LPP: variants seen among roughly 807,000 people sequenced by gnomAD.
The protein encoded by LPP is LIM domain containing preferred translocation partner in lipoma.
A neutral mutation model predicts 60.4 loss-of-function variants in LPP; 38 were observed. The observed-to-expected ratio is 0.63, with a 90% CI of 0.49 to 0.83. The LOEUF (loss-of-function observed/expected upper bound fraction) is 0.83, where lower values mean the gene tolerates loss of function less well. LPP is among the 40% of genes least tolerant of loss of function. The probability of loss-of-function intolerance (pLI) is 0.00; values close to 1 mark genes in which losing one functional copy is unlikely to be tolerated. For synonymous variants in LPP, 328 were observed against 290.8 expected (o/e 1.13, Z -1.30); for missense variants, 902 against 783.6 (o/e 1.15, Z -1.80).
intron 4 of LPP, among the ~76,000 whole-genome samples, chr3:188,457,191 A>T (rs575932292): frequency 6.6e-6 from 1 of 152,284 alleles, no homozygotes; most frequent in South Asian, 2.1e-4. Flanking sequence ...CTTCACATTG[A>T]CCCTGCACAG....
chr3:188,510,577 C>T (rs1375771210), intron 5 of LPP, among the ~76,000 whole-genome samples: 5 of 152,186 alleles, frequency 3.3e-5, no homozygotes, highest in African/African-American at 1.2e-4. Flanking sequence ...CCACTCTCTC[C>T]TTCGTCATGG....
chr3:188,790,343 TGTGTGC>T (rs1251901189), intron 9 of LPP, among the ~76,000 whole-genome samples: 3 of 151,942 alleles, frequency 2.0e-5, no homozygotes, highest in African/African-American at 7.3e-5. Flanking sequence ...GTGTGTGTGG[TGTGTGC>T]GTGTGTGTGT....
chr3:188,352,331 C>T lies in LPP; in HGVS notation c.-10+10612C>T. Among the ~76,000 whole-genome samples, 1 of 152,176 alleles carries T rather than the reference C, an allele frequency of 6.6e-6. No individual in the cohort carries two copies. On this transcript the variant is annotated intron_variant, in intron 3 of 11. Coordinates refer to ENST00000617246, the MANE Select transcript of LPP (RefSeq NM_001375462.1). The surrounding 1 kb of genome is among the most constrained non-coding windows in gnomAD (Gnocchi z 4.4). ...ACACGTATTGGCTGCTTTTTCTCCC[C>T]ACCTTTGGCAGCTTGTGAGCGGTGT...
At chr3:188,223,230 A>T in intron 1 of LPP, among the ~76,000 whole-genome samples, 1 of 152,192 alleles carries the variant, frequency 6.6e-6, no homozygotes, top group East Asian at 1.9e-4. Flanking sequence ...TGTTTCTCTG[A>T]TACTTTTCAA....
At chr3:188,377,745 G>C (rs1466164544) in intron 3 of LPP, among the ~76,000 whole-genome samples, 1 of 152,170 alleles carries the variant, frequency 6.6e-6, no homozygotes, top group Non-Finnish European at 1.5e-5. Context: ...TCCATTGCTG[G>C]TGAGGAGCTG....
intron 7 of LPP, among the ~76,000 whole-genome samples, chr3:188,659,686 C>T (rs949988835): frequency 3.9e-5 from 6 of 152,138 alleles, no homozygotes. Flanking sequence ...CTCCAACTCG[C>T]AGCTTGGCAA....
intron 3 of LPP, among the ~76,000 whole-genome samples, chr3:188,376,357 A>G (rs1163602374): frequency 6.6e-6 from 1 of 152,010 alleles, no homozygotes; most frequent in Non-Finnish European, 1.5e-5. Context: ...TTTGTAGGTC[A>G]CTAAGGACTT....
intron 2 of LPP, among the ~76,000 whole-genome samples, chr3:188,285,862 C>T (rs1441110582): frequency 6.6e-6 from 1 of 152,140 alleles, no homozygotes; most frequent in Non-Finnish European, 1.5e-5. Context: ...GTTTCTTTAC[C>T]CAAAAGTTGG....
chr3:188,655,538 G>T (rs1473969), intron 7 of LPP, among the ~76,000 whole-genome samples: 151,353 of 152,328 alleles, frequency 0.99, 75,195 homozygotes, highest in Middle Eastern at 1. Context: ...TCTCAATGAC[G>T]ATTTTATTTT....
At chr3:188,663,875 C>T (rs371302664) in intron 7 of LPP, among the ~76,000 whole-genome samples, 3 of 152,096 alleles carry the variant, frequency 2.0e-5, no homozygotes, top group Admixed American at 6.6e-5. Context: ...CAATAAGGTT[C>T]GCACCCCTAT....
chr3:188,428,001 C>T (rs765961805), intron 4 of LPP, among the ~76,000 whole-genome samples: 23 of 152,238 alleles, frequency 1.5e-4, no homozygotes, highest in Admixed American at 3.9e-4. Flanking sequence ...TCTGCCCAAA[C>T]GGTCACCCGG....
chr3:188,441,026 ATG>A (rs10671285), intron 4 of LPP, among the ~76,000 whole-genome samples: 21,086 of 146,298 alleles, frequency 0.14, 1,919 homozygotes, highest in Middle Eastern at 0.29. Flanking sequence ...CTCCCTTAAT[ATG>A]TGTGTGTGTG....
intron 2 of LPP, among the ~76,000 whole-genome samples, chr3:188,258,320 G>GGTTTT (rs765511304): frequency 5.9e-5 from 9 of 152,200 alleles, no homozygotes; most frequent in East Asian, 1.9e-4. Context: ...CACTTGGGGA[G>GGTTTT]GTTTTGTTTT....
At chr3:188,855,035 T>C (rs1173296966) in intron 9 of LPP, among the ~76,000 whole-genome samples, 1 of 152,200 alleles carries the variant, frequency 6.6e-6, no homozygotes, top group African/African-American at 2.4e-5. Context: ...ACATCATCAC[T>C]TAAGCATGGG....
chr3:188,206,227 A>C (rs1304498101), intron 1 of LPP, among the ~76,000 whole-genome samples: 1 of 152,060 alleles, frequency 6.6e-6, no homozygotes, highest in Non-Finnish European at 1.5e-5. Context: ...ATCCCTGTGA[A>C]GATCTTGGCT....
At chr3:188,779,174 G>T (rs1738794086) in intron 9 of LPP, among the ~76,000 whole-genome samples, 1 of 151,960 alleles carries the variant, frequency 6.6e-6, no homozygotes, top group African/African-American at 2.4e-5. Context: ...TGCACTTATA[G>T]AAATTCTTGC....
At chr3:188,257,672 G>T (rs1732112272) in intron 2 of LPP, among the ~76,000 whole-genome samples, 1 of 152,202 alleles carries the variant, frequency 6.6e-6, no homozygotes, top group Non-Finnish European at 1.5e-5. Context: ...ACAACTTCAA[G>T]TTGTTTTTTT....
intron 1 of LPP, among the ~76,000 whole-genome samples, chr3:188,211,650 C>T (rs1734723964): frequency 6.6e-6 from 1 of 152,130 alleles, no homozygotes; most frequent in Non-Finnish European, 1.5e-5. Context: ...ACAAGTTAAA[C>T]TGAGCAATTC....
intron 2 of LPP, among the ~76,000 whole-genome samples, chr3:188,230,063 A>G (rs1719290877): frequency 6.6e-6 from 1 of 152,132 alleles, no homozygotes; most frequent in African/African-American, 2.4e-5. Flanking sequence ...ACAAACATAT[A>G]AAGGAGAAAT....
Sources: gnomAD v4.1 joint callset for allele counts (sites outside exome capture counted in the v4.1 genomes callset) on GRCh38, gnomAD v4.1.1 for gene constraint, Gnocchi (gnomAD v3.1) non-coding constraint, MANE v1.5 for transcripts, NCBI Gene and HGNC (gene_info 2026-07-23, HGNC 2026-07-21) for gene names.